Variants in USP9X observed in about 807,000 individuals in gnomAD.
The protein encoded by USP9X is ubiquitin specific peptidase 9 X-linked, also known as ubiquitin carboxyl-terminal hydrolase 9X.
Under a neutral mutation model 190.3 loss-of-function variants are expected in USP9X, and 7 were observed. The observed-to-expected ratio is 0.04, with a 90% confidence interval of 0.02 to 0.07. The LOEUF (loss-of-function observed/expected upper bound fraction) is 0.07. USP9X is among the 10% of genes least tolerant of loss of function. The pLI is 1.00. For missense variants in USP9X, 1,010 were observed against 1,916.9 expected (o/e 0.53, Z 8.83); for synonymous variants, 645 against 659.5 (o/e 0.98, Z 0.34).
chrX:41,188,405 T>C (rs1333560395), intron 25 of USP9X, among the ~76,000 whole-genome samples: 1 of 112,328 alleles, frequency 8.9e-6, no homozygotes, highest in Non-Finnish European at 1.9e-5. Context: ...CCATTCTCTT[T>C]TTTCTTTTAT....
In USP9X at chrX:41,136,441, C is replaced by T. The variant is rs149104665; in HGVS notation, c.436-363C>T. Among the ~76,000 whole-genome samples the T allele has an allele frequency of 6.9e-3, 776 of 112,601 alleles. 6 individuals carry two copies. The highest frequency in any genetic ancestry group is 0.012 in the South Asian group (34 of 2,729). On this transcript the variant is annotated intron_variant, in intron 5 of 44. Coordinates refer to ENST00000378308, the MANE Select transcript of USP9X (RefSeq NM_001039591.3). ...CTCCCAAAGTGTTGGGATTAACAGGCGTGAGCCACTGTGCTCAGCCTGACA... is the reference window on the plus strand; with the variant it reads ...CTCCCAAAGTGTTGGGATTAACAGGTGTGAGCCACTGTGCTCAGCCTGACA...
chrX:41,205,914 G>C (rs2063090605), intron 32 of USP9X, among the ~76,000 whole-genome samples: 1 of 87,534 alleles, frequency 1.1e-5, no homozygotes, highest in African/African-American at 4.5e-5. Flanking sequence ...TTTTGAGATG[G>C]AGTTTTGCTC....
chrX:41,089,623 CA>C (rs1350409186), intron 1 of USP9X, among the ~76,000 whole-genome samples: 9 of 111,521 alleles, frequency 8.1e-5, no homozygotes, highest in Middle Eastern at 4.6e-3. Context: ...TAAATGATCC[CA>C]CAAATTACCG....
rs1273082187 is a variant in USP9X at position 41,092,094 on chromosome X, G to T, written c.-159+5985G>T. 1.1e-4 allele frequency among the ~76,000 whole-genome samples: 12 copies of T among 111,603 alleles called. 1 individual carries two copies. The Admixed American group carries it at 1.1e-3, about 11-fold the overall frequency. On this transcript the variant is annotated intron_variant, in intron 1 of 44. Transcript: ENST00000378308. ...CCTACAGTTTATTCTTATTAATCAT[G>T]TGAGCTTTGAACACCATGTTAGTCA... is the stretch of plus-strand genomic sequence containing the variant.
At chrX:41,125,672 ACACACACACACACTCTCTCTCTCT>A (rs1195407196) in intron 2 of USP9X, among the ~76,000 whole-genome samples, 35 of 48,652 alleles carry the variant, frequency 7.2e-4, no homozygotes, top group Admixed American at 3.8e-3. Flanking sequence ...ACACACACAC[ACACACACACACACTCTCTCTCTCT>A]CTCTCTCTCT....
chrX:41,120,289 C>T (rs909204704), intron 1 of USP9X, among the ~76,000 whole-genome samples: 5 of 111,927 alleles, frequency 4.5e-5, no homozygotes, highest in African/African-American at 1.6e-4. Flanking sequence ...CTTTCCTTAC[C>T]TGTAAAGAGG....
chrX:41,161,615 C>T (rs1467002456), intron 14 of USP9X, among the ~76,000 whole-genome samples: 3 of 84,863 alleles, frequency 3.5e-5, no homozygotes, highest in Admixed American at 1.5e-4. Flanking sequence ...GGATTACAGG[C>T]GTGAGCCATG....
Position 41,198,485 on chromosome X carries a change from T to C in USP9X, c.4381-43T>C, listed in dbSNP as rs372597543. The C allele has an allele frequency of 1.5e-3, 1,512 of 1,022,129 alleles. 3 individuals are homozygous for C. The highest frequency in any genetic ancestry group is 8.8e-3 in the South Asian group (382 of 43,370). 84.2% of individuals were successfully genotyped at this position (1,022,129 alleles called of 1,213,427 possible). Reference sequence around the variant, plus strand: ...CAAGAGAACTTTTTTTTTCTAAAAATATATAGCATTGCTAATATGTAATCC... The same window carrying C: ...CAAGAGAACTTTTTTTTTCTAAAAACATATAGCATTGCTAATATGTAATCC... On this transcript the variant is annotated intron_variant, in intron 29 of 44. Transcript: ENST00000378308.
In USP9X at chrX:41,140,952, C is replaced by T; in HGVS notation, c.771-14C>T. On this transcript the variant is annotated splice_polypyrimidine_tract_variant and intron_variant, in intron 7 of 44. Transcript: ENST00000378308. Reference sequence around the variant, plus strand: ...TTGCGTATTTACAGGAGTTTTGTATCTTTCTTATTTCAGACCATTTGGGCA... The same window carrying T: ...TTGCGTATTTACAGGAGTTTTGTATTTTTCTTATTTCAGACCATTTGGGCA... 8.6e-7 allele frequency: 1 copy of T among 1,157,535 alleles called. No individual in the cohort carries two copies. Among genetic ancestry groups the T allele is most frequent in the Non-Finnish European group, 1.1e-6 (1 of 874,758 alleles).
chrX:41,154,289 A>G (rs1264368773), intron 14 of USP9X, among the ~76,000 whole-genome samples: 2 of 111,360 alleles, frequency 1.8e-5, no homozygotes, highest in Non-Finnish European at 1.9e-5. Flanking sequence ...TTTATGTTCT[A>G]TACCAAAGGT....
At chrX:41,130,363 T>C (rs1353881792) in intron 3 of USP9X, among the ~76,000 whole-genome samples, 2 of 111,484 alleles carry the variant, frequency 1.8e-5, no homozygotes, top group African/African-American at 3.3e-5. Context: ...TTTCCATACT[T>C]GTCTGGTGGT....
chrX:41,099,122 T>A (rs1302731016), intron 1 of USP9X, among the ~76,000 whole-genome samples: 8 of 77,954 alleles, frequency 1.0e-4, no homozygotes, highest in Admixed American at 2.8e-4. Flanking sequence ...TTTTTTTTTT[T>A]AAACAGAGAT....
chrX:41,119,931 G>A (rs556202598), intron 1 of USP9X, among the ~76,000 whole-genome samples: 26 of 112,654 alleles, frequency 2.3e-4, no homozygotes, highest in East Asian at 8.4e-4. Context: ...TCTGCTTCAC[G>A]TAACACTCTT....
chrX:41,185,803 T>C (rs1334209014), intron 23 of USP9X, among the ~76,000 whole-genome samples: 1 of 111,546 alleles, frequency 9.0e-6, no homozygotes, highest in Non-Finnish European at 1.9e-5. Flanking sequence ...TTCTTCAGTA[T>C]TTATTCAGAG....
At chrX:41,087,255 T>G (rs1184341589) in intron 1 of USP9X, among the ~76,000 whole-genome samples, 2 of 112,362 alleles carry the variant, frequency 1.8e-5, no homozygotes, top group Non-Finnish European at 3.8e-5. Flanking sequence ...TCCCTAAATC[T>G]ACTTAACGTT....
chrX:41,120,106 G>T (rs750348335), intron 1 of USP9X, among the ~76,000 whole-genome samples: 5 of 111,720 alleles, frequency 4.5e-5, no homozygotes, highest in Non-Finnish European at 9.4e-5. Context: ...TGCTTCGCCA[G>T]TTTGATCAGT....
chrX:41,090,403 T>C (rs1305317627), intron 1 of USP9X, among the ~76,000 whole-genome samples: 1 of 112,454 alleles, frequency 8.9e-6, no homozygotes, highest in Non-Finnish European at 1.9e-5. Context: ...AATATACTTT[T>C]AAAGAATAAC....
At chrX:41,153,926 A>G (rs1323619561) in intron 14 of USP9X, among the ~76,000 whole-genome samples, 1 of 112,237 alleles carries the variant, frequency 8.9e-6, no homozygotes, top group African/African-American at 3.2e-5. Flanking sequence ...CCCATAGTGT[A>G]TGTTAAAAAT....
At chrX:41,125,682 ACACT>A (rs1278454023) in intron 2 of USP9X, among the ~76,000 whole-genome samples, 25 of 22,844 alleles carry the variant, frequency 1.1e-3, no homozygotes, top group Middle Eastern at 0.026. Flanking sequence ...ACACACACAC[ACACT>A]CTCTCTCTCT....
Sources: gnomAD v4.1 joint callset for allele counts (sites outside exome capture counted in the v4.1 genomes callset) on GRCh38, gnomAD v4.1.1 for gene constraint, MANE v1.5 for transcripts, NCBI Gene and HGNC (gene_info 2026-07-23, HGNC 2026-07-21) for gene names.